PHACTR1: variants seen among roughly 807,000 people sequenced by gnomAD.
PHACTR1 encodes the protein phosphatase and actin regulator 1, also known as RPEL repeat containing 1.
In PHACTR1, 16 loss-of-function variants were observed where a neutral mutation model predicts 69.2. The observed-to-expected ratio is 0.23, with a 90% confidence interval of 0.16 to 0.35. PHACTR1 has a LOEUF of 0.35. PHACTR1 is among the 10% of genes least tolerant of loss of function. The pLI, the probability that PHACTR1 is intolerant of heterozygous loss-of-function variation, is 1.00. For synonymous variants in PHACTR1, 312 were observed against 284.5 expected, an observed-to-expected ratio of 1.10 and a Z score of -0.97; for missense variants, 510 against 734.7, an observed-to-expected ratio of 0.69 and a Z score of 3.54.
At chr6:13,186,937 C>T (rs1166673890) in intron 7 of PHACTR1, among the ~76,000 whole-genome samples, 1 of 152,168 alleles carries the variant, frequency 6.6e-6, no homozygotes, top group East Asian at 1.9e-4. Context: ...TGCAACTAGA[C>T]AGTCCATCTA....
At chr6:12,841,312 G>A (rs537634979) in intron 4 of PHACTR1, among the ~76,000 whole-genome samples, 2 of 152,234 alleles carry the variant, frequency 1.3e-5, no homozygotes, top group African/African-American at 2.4e-5. Context: ...TTTGTTGTTT[G>A]CTGTGCAGAA....
chr6:13,028,405 A>G (rs1273101931), intron 4 of PHACTR1, among the ~76,000 whole-genome samples: 8 of 152,230 alleles, frequency 5.3e-5, no homozygotes, highest in African/African-American at 1.9e-4. Context: ...TTTAGTTAAC[A>G]GAGATATAAA....
intron 4 of PHACTR1, among the ~76,000 whole-genome samples, chr6:12,768,827 C>T (rs1335307620): frequency 8.2e-6 from 1 of 121,240 alleles, no homozygotes; most frequent in Non-Finnish European, 1.9e-5. Flanking sequence ...CACACACACA[C>T]ACACACACAC....
At chr6:12,798,689 T>C (rs1366136713) in intron 4 of PHACTR1, among the ~76,000 whole-genome samples, 4 of 152,226 alleles carry the variant, frequency 2.6e-5, no homozygotes, top group Non-Finnish European at 5.9e-5. Context: ...GGATGGTCGC[T>C]GAAGAGGTCA....
chr6:13,188,218 C>T (rs1464860223), intron 7 of PHACTR1, among the ~76,000 whole-genome samples: 18 of 152,110 alleles, frequency 1.2e-4, no homozygotes, highest in Admixed American at 9.8e-4. Flanking sequence ...TGGAGAAGTC[C>T]GTGGACTGCA....
intron 10 of PHACTR1, among the ~76,000 whole-genome samples, chr6:13,241,873 A>G (rs1772890486): frequency 4.0e-5 from 6 of 151,824 alleles, no homozygotes; most frequent in Non-Finnish European, 5.9e-5. Flanking sequence ...AAAATGCAAA[A>G]AAAAAAAAAC....
intron 6 of PHACTR1, among the ~76,000 whole-genome samples, chr6:13,170,900 C>T (rs1005545745): frequency 2.6e-5 from 4 of 152,260 alleles, no homozygotes; most frequent in East Asian, 1.9e-4. Context: ...TGTTACCAAC[C>T]GGGTGATCCT....
intron 4 of PHACTR1, among the ~76,000 whole-genome samples, chr6:12,918,471 C>T (rs1050338186): frequency 9.9e-5 from 15 of 152,178 alleles, no homozygotes; most frequent in African/African-American, 9.7e-5. Context: ...ACATTGGCAG[C>T]GCATTTATAA....
rs115688429 is a variant in PHACTR1, at chr6:12,982,061, C to T, written c.251-71304C>T. 5.8e-3 allele frequency among the ~76,000 whole-genome samples: 883 copies of T among 152,240 alleles called. 7 individuals are homozygous for T. The highest frequency in any genetic ancestry group is 0.02 in the African/African-American group (827 of 41,548). The stretch of plus-strand genomic sequence containing the variant: ...CCCAATGAGCCTCTTTTACTAATGA[C>T]CTTTGAGAAGAGATTAGATGTTTGC... On this transcript the variant is annotated intron_variant, in intron 4 of 14. Transcript: ENST00000332995.
At chr6:13,214,962 A>C (rs749082548) in intron 8 of PHACTR1, among the ~76,000 whole-genome samples, 4 of 152,194 alleles carry the variant, frequency 2.6e-5, no homozygotes, top group African/African-American at 4.8e-5. Context: ...TGAAAAAATA[A>C]ATACGTTTCT....
At chr6:12,832,891 C>A (rs574654426) in intron 4 of PHACTR1, among the ~76,000 whole-genome samples, 2 of 152,294 alleles carry the variant, frequency 1.3e-5, no homozygotes, top group South Asian at 4.2e-4. Flanking sequence ...CATTTGACTT[C>A]TTTTCCATCA....
At chr6:12,891,465 T>A (rs1038262568) in intron 4 of PHACTR1, among the ~76,000 whole-genome samples, 2 of 152,208 alleles carry the variant, frequency 1.3e-5, no homozygotes, top group African/African-American at 4.8e-5. Context: ...TGTTTGCATT[T>A]TTATCATGAG....
intron 4 of PHACTR1, among the ~76,000 whole-genome samples, chr6:12,750,290 A>C (rs1766446394): frequency 6.6e-6 from 1 of 152,212 alleles, no homozygotes; most frequent in African/African-American, 2.4e-5. Context: ...TGCACCAAGC[A>C]GCTGGGAAGC....
intron 3 of PHACTR1, among the ~76,000 whole-genome samples, chr6:12,722,773 T>C (rs149450661): frequency 9.2e-5 from 14 of 152,274 alleles, no homozygotes; most frequent in African/African-American, 3.4e-4. Flanking sequence ...GAGCAGAAAA[T>C]GTACAGGGTC....
chr6:13,043,926 A>G (rs1023518115), intron 4 of PHACTR1, among the ~76,000 whole-genome samples: 6 of 152,214 alleles, frequency 3.9e-5, no homozygotes, highest in Non-Finnish European at 8.8e-5. Flanking sequence ...GATTAAATGA[A>G]CAACAGAATG....
intron 4 of PHACTR1, among the ~76,000 whole-genome samples, chr6:12,756,420 T>C (rs967430429): frequency 1.3e-5 from 2 of 152,160 alleles, no homozygotes; most frequent in African/African-American, 4.8e-5. Context: ...GTGGGCAGTA[T>C]TGACATTTTA....
chr6:12,857,337 C>T (rs765233943), intron 4 of PHACTR1, among the ~76,000 whole-genome samples: 3 of 152,140 alleles, frequency 2.0e-5, no homozygotes, highest in South Asian at 2.1e-4. Context: ...TCTCGTCAGG[C>T]GCGGTGGTTC....
At chr6:13,176,970 T>A (rs75265579) in intron 6 of PHACTR1, among the ~76,000 whole-genome samples, 138 of 151,952 alleles carry the variant, frequency 9.1e-4, no homozygotes, top group African/African-American at 3.2e-3. Flanking sequence ...AGAATTAGAG[T>A]TGACACTTTT....
At chr6:13,053,584 T>A (rs1806319368) in intron 5 of PHACTR1, 55 bp downstream of exon 5, 1 of 1,562,250 alleles carries the variant, frequency 6.4e-7, no homozygotes. Flanking sequence ...TTCAACTCTA[T>A]TATCTTAACA....
Sources: allele counts gnomAD v4.1 joint callset (sites outside exome capture counted in the v4.1 genomes callset), GRCh38; gene constraint gnomAD v4.1.1; transcripts MANE v1.5; gene names NCBI Gene and HGNC (gene_info 2026-07-23, HGNC 2026-07-21).